Variants in SLC35F4 observed in about 807,000 individuals in gnomAD.
SLC35F4 encodes solute carrier family 35 member F4, also known as chromosome 14 open reading frame 36.
SLC35F4 carries 24 observed loss-of-function variants against 44.2 expected under a neutral mutation model. The observed-to-expected ratio is 0.54, with a 90% CI of 0.39 to 0.76. The LOEUF (loss-of-function observed/expected upper bound fraction) is 0.76, where lower values mean the gene tolerates loss of function less well. Ranked by LOEUF, SLC35F4 falls within the 30% of genes least tolerant of loss-of-function variation. SLC35F4 has a pLI of 0.00. For missense variants in SLC35F4, 562 were observed against 586.1 expected (o/e 0.96, Z 0.42); for synonymous variants, 238 against 223.6 (o/e 1.06, Z -0.57).
At chr14:57,649,498 G>A (rs1384819930) in intron 1 of SLC35F4, among the ~76,000 whole-genome samples, 2 of 151,968 alleles carry the variant, frequency 1.3e-5, no homozygotes, top group African/African-American at 2.4e-5. Context: ...GATTACCTTG[G>A]GCACATGCAG....
In SLC35F4 at chr14:57,746,262, C is replaced by T. The variant is rs146721520; in HGVS notation, c.103+119461G>A. 1.5e-3 allele frequency among the ~76,000 whole-genome samples: 225 copies of T among 152,042 alleles called. 1 individual carries two copies. Among genetic ancestry groups the T allele is most frequent in the Middle Eastern group, 6.8e-3 (2 of 292 alleles). ...AAAAAAAAGAAAGTACTCAATGATT[C>T]ACCATTGTTTATGATGTTAACTGTA... is the stretch of plus-strand genomic sequence containing the variant. On this transcript the variant is annotated intron_variant, in intron 1 of 7. Coordinates refer to ENST00000556826, the MANE Select transcript of SLC35F4 (RefSeq NM_001306087.2).
intron 1 of SLC35F4, among the ~76,000 whole-genome samples, chr14:57,713,188 A>T (rs776963641): frequency 1.3e-5 from 2 of 152,194 alleles, no homozygotes; most frequent in Admixed American, 6.5e-5. Flanking sequence ...CACCTGAACA[A>T]CTACCAGGGC....
intron 3 of SLC35F4, among the ~76,000 whole-genome samples, chr14:57,584,099 G>C (rs1460189685): frequency 6.6e-6 from 1 of 152,032 alleles, no homozygotes. Flanking sequence ...TATGTCTTTG[G>C]CTCCAGTTTG....
chr14:57,950,864 G>A (rs1353357360), intron 1 of SLC35F4, among the ~76,000 whole-genome samples: 11 of 151,912 alleles, frequency 7.2e-5, no homozygotes, highest in East Asian at 1.9e-4. Context: ...ATGGGGTTTC[G>A]CCATCTTGCC....
At chr14:57,686,118 A>G (rs4304940) in intron 1 of SLC35F4, among the ~76,000 whole-genome samples, 22,551 of 152,148 alleles carry the variant, frequency 0.15, 1,910 homozygotes, top group East Asian at 0.29. Context: ...TTCCAAATAC[A>G]TAATGTTTAA....
intron 1 of SLC35F4, among the ~76,000 whole-genome samples, chr14:57,694,985 AC>A (rs1319964475): frequency 6.6e-6 from 1 of 152,130 alleles, no homozygotes; most frequent in Non-Finnish European, 1.5e-5. Context: ...GATTATTTAT[AC>A]ATCCCTTCTT....
intron 1 of SLC35F4, among the ~76,000 whole-genome samples, chr14:57,858,729 G>A (rs564596010): frequency 1.3e-5 from 2 of 151,628 alleles, no homozygotes; most frequent in Admixed American, 1.3e-4. Context: ...AAGAAAGAAA[G>A]AAAAGAACCA....
chr14:57,866,456 TC>T (rs1888161432), upstream of SLC35F4, among the ~76,000 whole-genome samples: 1 of 152,202 alleles, frequency 6.6e-6, no homozygotes, highest in Admixed American at 6.5e-5. Context: ...CGTTAGTCAG[TC>T]CTTGCAACTT....
intron 1 of SLC35F4, among the ~76,000 whole-genome samples, chr14:57,783,627 C>G (rs1012352872): frequency 6.6e-6 from 1 of 152,142 alleles, no homozygotes; most frequent in Admixed American, 6.6e-5. Flanking sequence ...CAATAAGAAC[C>G]ATTTTTCTGG....
chr14:57,716,301 T>TG (rs1240838182), intron 1 of SLC35F4, among the ~76,000 whole-genome samples: 3 of 151,842 alleles, frequency 2.0e-5, no homozygotes, highest in African/African-American at 7.3e-5. Context: ...TTCACTTTTT[T>TG]TTTTTCTGTC....
At chr14:57,623,838 A>G (rs1375443643) in intron 1 of SLC35F4, among the ~76,000 whole-genome samples, 2 of 152,230 alleles carry the variant, frequency 1.3e-5, no homozygotes, top group East Asian at 3.8e-4. Flanking sequence ...AATGCCCACG[A>G]GAGAAAGCAG....
chr14:57,723,543 T>C (rs1446586218), intron 1 of SLC35F4, among the ~76,000 whole-genome samples: 1 of 152,224 alleles, frequency 6.6e-6, no homozygotes, highest in East Asian at 1.9e-4. Context: ...GTGACTCCAA[T>C]TGCAGCTGCT....
intron 1 of SLC35F4, among the ~76,000 whole-genome samples, chr14:57,639,419 A>G (rs2073139263): frequency 6.6e-6 from 1 of 152,034 alleles, no homozygotes; most frequent in Admixed American, 6.6e-5. Flanking sequence ...CTATGTTAAT[A>G]TAGTGTTTTC....
At chr14:57,760,356 T>A (rs1393914392) in intron 1 of SLC35F4, among the ~76,000 whole-genome samples, 1 of 152,200 alleles carries the variant, frequency 6.6e-6, no homozygotes, top group African/African-American at 2.4e-5. Context: ...TTGATTTATC[T>A]CTGGACTGTC....
At chr14:57,697,907 G>A (rs1360196221) in intron 1 of SLC35F4, among the ~76,000 whole-genome samples, 2 of 151,992 alleles carry the variant, frequency 1.3e-5, no homozygotes, top group South Asian at 4.1e-4. Context: ...TCTACTTTTT[G>A]TCTGTAAGGT....
chr14:57,870,138 G>T (rs913913712), upstream of SLC35F4, among the ~76,000 whole-genome samples: 9 of 147,720 alleles, frequency 6.1e-5, no homozygotes, highest in Admixed American at 5.9e-4. Flanking sequence ...GTGTGTGTGT[G>T]TGTGTGTGTG....
chr14:57,705,110 A>G (rs1282470279), intron 1 of SLC35F4, among the ~76,000 whole-genome samples: 4 of 152,234 alleles, frequency 2.6e-5, no homozygotes, highest in Non-Finnish European at 4.4e-5. Context: ...TGAGAATCAA[A>G]TGAATTAATA....
intron 1 of SLC35F4, among the ~76,000 whole-genome samples, chr14:57,702,092 G>T (rs1056850236): frequency 6.6e-6 from 1 of 152,140 alleles, no homozygotes; most frequent in African/African-American, 2.4e-5. Context: ...CAAAGTTACA[G>T]GAAAACAAAC....
intron 1 of SLC35F4, among the ~76,000 whole-genome samples, chr14:57,715,564 C>T (rs1373641247): frequency 2.0e-5 from 3 of 152,180 alleles, no homozygotes; most frequent in Non-Finnish European, 4.4e-5. Flanking sequence ...AATGACAAGA[C>T]AAAGGGTATG....
Sources: gnomAD v4.1 joint callset for allele counts (sites outside exome capture counted in the v4.1 genomes callset) on GRCh38, gnomAD v4.1.1 for gene constraint, MANE v1.5 for transcripts, NCBI Gene and HGNC (gene_info 2026-07-23, HGNC 2026-07-21) for gene names.